UTY: variants seen among roughly 807,000 people sequenced by gnomAD.
UTY encodes the protein histone demethylase UTY.
UTY carries 12 observed loss-of-function variants against 32.5 expected under a neutral mutation model. That is an observed-to-expected ratio of 0.37 (90% confidence interval 0.24 to 0.60). The LOEUF is 0.60. Ranked by LOEUF, UTY falls within the 20% of genes least tolerant of loss-of-function variation. The pLI, the probability that UTY is intolerant of heterozygous loss-of-function variation, is 0.69. For synonymous variants in UTY, 131 were observed against 103.4 expected (o/e 1.27, Z -1.62); for missense variants, 303 against 299.2 (o/e 1.01, Z -0.09).
At chrY:13,387,798 G>A (rs2067062729) in intron 8 of UTY, among the ~76,000 whole-genome samples, 1 of 33,565 alleles carries the variant, frequency 3.0e-5, no homozygotes, top group African/African-American at 1.2e-4. Context: ...CAACAACAGT[G>A]AAACTCTGTC....
At chrY:13,398,610 C>T (rs9785851) in intron 6 of UTY, among the ~76,000 whole-genome samples, 5,093 of 32,611 alleles carry the variant, frequency 0.16, no homozygotes, top group African/African-American at 0.6. Flanking sequence ...GAATGAACCA[C>T]AATCAAGATA....
chrY:13,387,734 C>T (rs1280878300), intron 8 of UTY, among the ~76,000 whole-genome samples: 1 of 33,006 alleles, frequency 3.0e-5, no homozygotes, highest in East Asian at 8.0e-4. Context: ...CACTCGACCC[C>T]GGGAGGCAGA....
At chrY:13,282,737 C>T in intron 27 of UTY, among the ~76,000 whole-genome samples, 1 of 33,976 alleles carries the variant, frequency 2.9e-5, no homozygotes, top group African/African-American at 1.1e-4. Flanking sequence ...TTCTACAACT[C>T]GGTATCTGAG....
intron 3 of UTY, among the ~76,000 whole-genome samples, chrY:13,459,115 A>G (rs2077148787): frequency 3.2e-5 from 1 of 31,711 alleles, no homozygotes; most frequent in African/African-American, 1.3e-4. Flanking sequence ...CATATGTAAC[A>G]AACCTGCATG....
At chrY:13,287,539 GA>G (rs767298801) in intron 27 of UTY, among the ~76,000 whole-genome samples, 21 of 24,471 alleles carry the variant, frequency 8.6e-4, no homozygotes, top group Admixed American at 6.0e-3. Flanking sequence ...AAGGCTTTTG[GA>G]AAAAAAAAAA....
intron 7 of UTY, among the ~76,000 whole-genome samples, chrY:13,395,378 G>A: frequency 3.1e-5 from 1 of 32,617 alleles, no homozygotes; most frequent in Non-Finnish European, 7.5e-5. Context: ...GCAGTGGCTT[G>A]TGACTGTAGT....
Position 13,479,296 on chromosome Y carries a change from C to G in UTY, c.174G>C (p.Arg58Ser), listed in dbSNP as rs1460686575. ...TCGTTCTGGCGCCATCTTCATGAAG[C>G]CTCACGAACCCGAAGAGACGGCTGT... is the stretch of plus-strand genomic sequence containing the variant. ...GMDSRLFGFVRLHEDGARTKT... is the reference protein window; with the variant it reads ...GMDSRLFGFVSLHEDGARTKT... Residue 58 changes from arginine to serine, a missense_variant, in exon 2 of 30, where the codon AGG (arginine) becomes AGC (serine). Coordinates refer to ENST00000545955, the MANE Select transcript of UTY (RefSeq NM_001258249.2). 2.5e-6 allele frequency: 1 copy of G among 398,280 alleles called. No homozygotes were observed. The highest frequency in any genetic ancestry group is 3.5e-6 in the Non-Finnish European group (1 of 283,369).
intron 27 of UTY, among the ~76,000 whole-genome samples, chrY:13,280,053 C>T (rs750142288): frequency 7.8e-4 from 26 of 33,319 alleles, no homozygotes; most frequent in African/African-American, 3.1e-3. Flanking sequence ...CACCTACAAG[C>T]TCTATAAAGA....
intron 4 of UTY, among the ~76,000 whole-genome samples, chrY:13,430,183 T>C (rs955005481): frequency 5.9e-5 from 2 of 33,894 alleles, no homozygotes; most frequent in Non-Finnish European, 1.5e-4. Context: ...AGTTTCTTCT[T>C]GTGCCATTGC....
rs778767461 is a variant in UTY at position 13,471,807 on chromosome Y, A to G, written c.217-1578T>C. ...CACTGCACTCCAGCCTGACCAACAG[A>G]GTGAGACCCCGGCTCAAAAAAAAAA... On this transcript the variant is annotated intron_variant, in intron 2 of 29. Transcript: ENST00000545955. 4.1e-4 allele frequency among the ~76,000 whole-genome samples: 12 copies of G among 29,525 alleles called. No homozygotes were observed. In the South Asian group the frequency reaches 4.9e-3, roughly 12 times the overall value. The allele number at this position is 29,525 out of a possible 37,273, so 79.2% of individuals were successfully genotyped here.
chrY:13,444,451 CA>C (rs2075488907), intron 4 of UTY, among the ~76,000 whole-genome samples: 1 of 33,709 alleles, frequency 3.0e-5, no homozygotes, highest in East Asian at 7.9e-4. Context: ...TCAGTAATTA[CA>C]ACGTCTCCCA....
At chrY:13,296,515 T>G (rs761793834) in intron 27 of UTY, among the ~76,000 whole-genome samples, 1 of 33,810 alleles carries the variant, frequency 3.0e-5, no homozygotes, top group African/African-American at 1.1e-4. Flanking sequence ...TTTCCAAATT[T>G]TACAATCTGC....
At position 13,355,046 on chromosome Y, in the gene UTY, C is replaced by T; in HGVS notation, c.2018G>A (p.Ser673Asn). The change falls in exon 17 of 30, where the codon AGC becomes AAC. Residue 673 changes from serine to asparagine, a missense_variant. By Grantham distance (46) the Ser-to-Asn change is conservative. Coordinates refer to ENST00000545955, the MANE Select transcript of UTY (RefSeq NM_001258249.2). ...CTGTTTTCTCCATGGCTCTTCTGTGCTGCTGTTCAGGTCTGTATGATTATG... is the reference window on the plus strand; with the variant it reads ...CTGTTTTCTCCATGGCTCTTCTGTGTTGCTGTTCAGGTCTGTATGATTATG... ...LPHNHTDLNS[S>N]TEEPWRKQLS... 1 of 398,616 alleles carries T rather than the reference C, an allele frequency of 2.5e-6. No homozygotes were observed.
intron 4 of UTY, among the ~76,000 whole-genome samples, chrY:13,448,678 G>A: frequency 3.0e-5 from 1 of 33,124 alleles, no homozygotes; most frequent in African/African-American, 1.2e-4. Flanking sequence ...TGTATTATAC[G>A]TCCATAATGT....
At chrY:13,300,699 T>A (rs777337307) in intron 25 of UTY, among the ~76,000 whole-genome samples, 1 of 33,624 alleles carries the variant, frequency 3.0e-5, no homozygotes, top group East Asian at 7.7e-4. Context: ...AGGAAGAAAT[T>A]CACATAGTAG....
intron 27 of UTY, among the ~76,000 whole-genome samples, chrY:13,265,950 A>C (rs938665758): frequency 1.2e-4 from 4 of 33,257 alleles, no homozygotes; most frequent in South Asian, 6.7e-4. Context: ...AGGGGTGTTG[A>C]ATTTTGTTGA....
intron 6 of UTY, among the ~76,000 whole-genome samples, chrY:13,405,842 A>G: frequency 3.0e-5 from 1 of 33,300 alleles, no homozygotes; most frequent in Admixed American, 2.7e-4. Context: ...GTTGTTTGTT[A>G]TATGCATTTA....
At chrY:13,236,447 A>T (rs2053854183) in intron 28 of UTY, among the ~76,000 whole-genome samples, 1 of 30,925 alleles carries the variant, frequency 3.2e-5, no homozygotes, top group Non-Finnish European at 7.7e-5. Context: ...CCAAAAAAGA[A>T]GACCCAGAAT....
chrY:13,371,965 A>G, intron 8 of UTY, among the ~76,000 whole-genome samples: 3 of 33,945 alleles, frequency 8.8e-5, no homozygotes, highest in Non-Finnish European at 2.2e-4. Flanking sequence ...TGTACACTGA[A>G]AACTACAAAA....
Sources: allele counts gnomAD v4.1 joint callset (sites outside exome capture counted in the v4.1 genomes callset), GRCh38; gene constraint gnomAD v4.1.1; transcripts MANE v1.5; gene names NCBI Gene and HGNC (gene_info 2026-07-23, HGNC 2026-07-21).